AKAP13: variants seen among roughly 807,000 people sequenced by gnomAD.
The protein encoded by AKAP13 is A-kinase anchoring protein 13.
Under a neutral mutation model 264.5 loss-of-function variants are expected in AKAP13, and 80 were observed. That is an observed-to-expected ratio of 0.30 (90% CI 0.25 to 0.36). The LOEUF is 0.36. AKAP13 is among the 10% of genes least tolerant of loss of function. The pLI, the probability that AKAP13 is intolerant of heterozygous loss-of-function variation, is 1.00. For missense variants in AKAP13, 3,712 were observed against 3,435.2 expected (o/e 1.08, Z -2.01); for synonymous variants, 1,380 against 1,250.2 (o/e 1.10, Z -2.19).
At chr15:85,697,857 T>G (rs1264526801) in intron 17 of AKAP13, among the ~76,000 whole-genome samples, 1 of 152,202 alleles carries the variant, frequency 6.6e-6, no homozygotes, top group African/African-American at 2.4e-5. Flanking sequence ...TTTTTTACAT[T>G]TAATCATAAA....
chr15:85,659,291 A>G (rs772622546), intron 12 of AKAP13, among the ~76,000 whole-genome samples: 26 of 152,240 alleles, frequency 1.7e-4, no homozygotes, highest in Admixed American at 6.5e-5. Context: ...TCCATTGTTT[A>G]GAAAAATATT....
chr15:85,670,118 A>G (rs368400883), intron 14 of AKAP13, among the ~76,000 whole-genome samples: 1 of 152,198 alleles, frequency 6.6e-6, no homozygotes, highest in East Asian at 1.9e-4. Context: ...AGACTTGAAA[A>G]ATAGTTACAA....
At chr15:85,677,647 GTT>G (rs71891857) in intron 14 of AKAP13, among the ~76,000 whole-genome samples, 17 of 136,694 alleles carry the variant, frequency 1.2e-4, no homozygotes, top group East Asian at 2.1e-4. Flanking sequence ...TGTGTGTTGT[GTT>G]TTTTTTTTTT....
chr15:85,661,301 A>T (rs1467563641), intron 12 of AKAP13, among the ~76,000 whole-genome samples: 1 of 152,224 alleles, frequency 6.6e-6, no homozygotes, highest in African/African-American at 2.4e-5. Context: ...GGACACCGCT[A>T]CTGGGATATT....
intron 8 of AKAP13, among the ~76,000 whole-genome samples, chr15:85,606,248 C>T (rs1042060977): frequency 6.6e-6 from 1 of 151,652 alleles, no homozygotes; most frequent in African/African-American, 2.4e-5. Context: ...ATTACAAGTA[C>T]CCACCACCAC....
At chr15:85,519,825 C>G (rs1567101237) in intron 2 of AKAP13, among the ~76,000 whole-genome samples, 1 of 152,168 alleles carries the variant, frequency 6.6e-6, no homozygotes, top group Non-Finnish European at 1.5e-5. Flanking sequence ...TAGTAAAAAA[C>G]TACCTTCTGC....
At chr15:85,513,661 A>G (rs551996859) in intron 2 of AKAP13, among the ~76,000 whole-genome samples, 1 of 152,214 alleles carries the variant, frequency 6.6e-6, no homozygotes, top group Non-Finnish European at 1.5e-5. Context: ...TGTATTTCCT[A>G]AAATAGGGAT....
intron 16 of AKAP13, among the ~76,000 whole-genome samples, chr15:85,692,679 A>G (rs1356456744): frequency 6.6e-6 from 1 of 152,212 alleles, no homozygotes; most frequent in Non-Finnish European, 1.5e-5. Flanking sequence ...AAACCTTAAA[A>G]TTCTAATTAG....
intron 4 of AKAP13, 85 bp from the exon 5 acceptor site, chr15:85,543,687 G>C: frequency 7.2e-7 from 1 of 1,383,522 alleles, no homozygotes; most frequent in Non-Finnish European, 9.8e-7. Context: ...GGAGGCAGTG[G>C]TGTTTACATA....
intron 1 of AKAP13, among the ~76,000 whole-genome samples, chr15:85,427,881 G>A (rs904104780): frequency 1.3e-5 from 2 of 152,164 alleles, no homozygotes; most frequent in African/African-American, 2.4e-5. Context: ...GGAGAAAGGG[G>A]TAGCCTGTTA....
intron 1 of AKAP13, among the ~76,000 whole-genome samples, chr15:85,484,241 G>C (rs562983116): frequency 6.6e-6 from 1 of 152,258 alleles, no homozygotes; most frequent in South Asian, 2.1e-4. Flanking sequence ...TTTCATCCAT[G>C]CTTGCTGTTT....
chr15:85,693,751 T>C (rs1043443471), intron 17 of AKAP13, among the ~76,000 whole-genome samples: 1 of 152,218 alleles, frequency 6.6e-6, no homozygotes, highest in Non-Finnish European at 1.5e-5. Context: ...CTTTGAGTGC[T>C]GGTACACTCA....
rs560931723 is a variant in AKAP13 at position 85,619,223 on chromosome 15, T to C, written c.4162-20151T>C. 4 of 278,904 alleles carry C rather than the reference T, an allele frequency of 1.4e-5. No individual in the cohort carries two copies. In the South Asian group the frequency reaches 5.6e-4, roughly 39 times the overall value. The allele number at this position is 278,904 out of a possible 1,614,324, so 17.3% of individuals were successfully genotyped here. A position where few individuals can be genotyped will look rare whatever the true frequency, so the allele number is the denominator to read the frequency against. ...TTGTTTTTCTCTTCGTCTCGGTAGA[T>C]GAATCATGTTCCCACAACTGCAATT... On this transcript the variant is annotated intron_variant, in intron 8 of 36. Transcript: ENST00000394518.
intron 12 of AKAP13, among the ~76,000 whole-genome samples, chr15:85,662,111 A>C (rs2083381103): frequency 6.6e-6 from 1 of 152,222 alleles, no homozygotes. Flanking sequence ...GTTCACTAGA[A>C]GGAATTTTTG....
chr15:85,699,972 C>T (rs2085815822), intron 17 of AKAP13, among the ~76,000 whole-genome samples: 1 of 152,192 alleles, frequency 6.6e-6, no homozygotes. Context: ...GAACCGTTGG[C>T]TTATGGTTAT....
chr15:85,661,771 G>A (rs949429054), intron 12 of AKAP13, among the ~76,000 whole-genome samples: 1 of 152,060 alleles, frequency 6.6e-6, no homozygotes, highest in African/African-American at 2.4e-5. Context: ...TATAATCAGT[G>A]TTATATGCTT....
intron 9 of AKAP13, among the ~76,000 whole-genome samples, chr15:85,645,285 A>G (rs2082502052): frequency 6.6e-6 from 1 of 152,170 alleles, no homozygotes; most frequent in Non-Finnish European, 1.5e-5. Flanking sequence ...TGAACCGAAA[A>G]CATTCTAAAT....
chr15:85,531,519 T>C lies in AKAP13; in HGVS notation c.182-2065T>C, dbSNP rs138410779. The stretch of plus-strand genomic sequence containing the variant: ...TGCTAGAAAAATAGACAAATCTTAC[T>C]AACTGAATCATTTGGCTTGTTTCTG... On this transcript the variant is annotated intron_variant, in intron 3 of 36. Coordinates refer to ENST00000394518, the MANE Select transcript of AKAP13 (RefSeq NM_007200.5). Among the ~76,000 whole-genome samples, 894 of 152,354 alleles carry C rather than the reference T, an allele frequency of 5.9e-3. 4 individuals are homozygous for C. Among genetic ancestry groups the C allele is most frequent in the South Asian group, 0.012 (59 of 4,830 alleles).
At chr15:85,436,629 A>G (rs1349599059) in intron 1 of AKAP13, among the ~76,000 whole-genome samples, 9 of 145,540 alleles carry the variant, frequency 6.2e-5, no homozygotes, top group Non-Finnish European at 1.1e-4. Flanking sequence ...CTCAGACCAC[A>G]GTGCAATCAA....
Sources: gnomAD v4.1 joint callset for allele counts (sites outside exome capture counted in the v4.1 genomes callset) on GRCh38, gnomAD v4.1.1 for gene constraint, MANE v1.5 for transcripts, NCBI Gene and HGNC (gene_info 2026-07-23, HGNC 2026-07-21) for gene names.